Variants in FANCC observed in about 807,000 individuals in gnomAD.
FANCC encodes FA complementation group C.
Under a neutral mutation model 71.3 loss-of-function variants are expected in FANCC, and 55 were observed. The observed-to-expected ratio is 0.77, with a 90% CI of 0.62 to 0.97. FANCC has a LOEUF of 0.97. Among genes scored for constraint, FANCC ranks in the 50% least tolerant of loss-of-function variants. FANCC has a pLI of 0.00. For synonymous variants in FANCC, 275 were observed against 244.9 expected, an observed-to-expected ratio of 1.12 and a Z score of -1.15; for missense variants, 678 against 670.9, an observed-to-expected ratio of 1.01 and a Z score of -0.12.
intron 1 of FANCC, chr9:95,293,162 C>G: frequency 6.2e-7 from 1 of 1,613,074 alleles, no homozygotes; most frequent in South Asian, 1.1e-5. Flanking sequence ...TCTTGTGGCT[C>G]TAACACTGAC....
At chr9:95,182,277 T>C (rs969307877) in intron 4 of FANCC, among the ~76,000 whole-genome samples, 5 of 151,064 alleles carry the variant, frequency 3.3e-5, no homozygotes, top group African/African-American at 1.2e-4. Context: ...TCCCAGTACT[T>C]TGGGAGGCCG....
intron 3 of FANCC, among the ~76,000 whole-genome samples, chr9:95,244,165 C>G (rs766258275): frequency 2.6e-5 from 4 of 152,226 alleles, no homozygotes; most frequent in Non-Finnish European, 4.4e-5. Flanking sequence ...TGAGACCCCA[C>G]GAGTTCAGAT....
At chr9:95,138,704 T>A (rs974989772) in intron 7 of FANCC, among the ~76,000 whole-genome samples, 1 of 152,152 alleles carries the variant, frequency 6.6e-6, no homozygotes, top group African/African-American at 2.4e-5. Flanking sequence ...TTGTCATTCA[T>A]CCTGCCAGGT....
At chr9:95,302,321 G>A (rs1247017586) in intron 1 of FANCC, among the ~76,000 whole-genome samples, 2 of 152,186 alleles carry the variant, frequency 1.3e-5, no homozygotes, top group South Asian at 4.2e-4. Context: ...GTCTGAACCC[G>A]GCGTCACTAT....
chr9:95,132,952 T>C (rs925173624), intron 8 of FANCC, among the ~76,000 whole-genome samples: 16 of 152,244 alleles, frequency 1.1e-4, no homozygotes, highest in African/African-American at 3.6e-4. Flanking sequence ...ACACAAGTTA[T>C]GTAGACCATC....
intron 1 of FANCC, among the ~76,000 whole-genome samples, chr9:95,310,703 G>T (rs1050649261): frequency 6.6e-6 from 1 of 152,176 alleles, no homozygotes; most frequent in Non-Finnish European, 1.5e-5. Context: ...GGTAGTATCA[G>T]TGTTCCCCAG....
chr9:95,176,360 A>G (rs1826008201), intron 4 of FANCC, among the ~76,000 whole-genome samples: 1 of 152,210 alleles, frequency 6.6e-6, no homozygotes, highest in Non-Finnish European at 1.5e-5. Flanking sequence ...AAAGTGAAGC[A>G]GCCTGGCTCA....
intron 1 of FANCC, among the ~76,000 whole-genome samples, chr9:95,265,398 G>A (rs1337508331): frequency 6.6e-6 from 1 of 152,084 alleles, no homozygotes; most frequent in Non-Finnish European, 1.5e-5. Flanking sequence ...CTATTCTCTG[G>A]ACTTGGCTTC....
rs139698441 is a variant in FANCC at position 95,282,145 on chromosome 9, C to T, written c.-78-32776G>A. Among the ~76,000 whole-genome samples, 20 of 151,942 alleles carry T rather than the reference C, an allele frequency of 1.3e-4. No individual in the cohort carries two copies. In the East Asian group the frequency reaches 3.9e-3, roughly 29 times the overall value. On this transcript the variant is annotated intron_variant, in intron 1 of 14. Coordinates refer to ENST00000289081, the MANE Select transcript of FANCC (RefSeq NM_000136.3). ...TAAAAAAAAAGAAAACAAGACCCAACTATATACTGCCTACAAAAGACTTGC... is the reference window on the plus strand; with the variant it reads ...TAAAAAAAAAGAAAACAAGACCCAATTATATACTGCCTACAAAAGACTTGC...
At chr9:95,277,506 A>C (rs1411659102) in intron 1 of FANCC, among the ~76,000 whole-genome samples, 2 of 152,226 alleles carry the variant, frequency 1.3e-5, no homozygotes, top group Non-Finnish European at 2.9e-5. Context: ...CCAATTAAAA[A>C]TAAAATAATT....
chr9:95,289,553 T>C (rs933299571), intron 1 of FANCC, among the ~76,000 whole-genome samples: 52 of 152,264 alleles, frequency 3.4e-4, no homozygotes, highest in African/African-American at 1.2e-3. Flanking sequence ...ATGATTCTTC[T>C]CCACAAAATT....
Position 95,118,570 on chromosome 9 carries a change from C to T in FANCC, c.997-1180G>A, listed in dbSNP as rs4647521. Reference sequence around the variant, plus strand: ...AAGTCCCCTTCCAATTCTTAACAATCATTCCCTCCACCCCACCCTGGCAAC... The same window carrying T: ...AAGTCCCCTTCCAATTCTTAACAATTATTCCCTCCACCCCACCCTGGCAAC... On this transcript the variant is annotated intron_variant, in intron 10 of 14. Transcript: ENST00000289081. Among the ~76,000 whole-genome samples, 505 of 152,352 alleles carry T rather than the reference C, an allele frequency of 3.3e-3. 9 individuals carry two copies. In the East Asian group the frequency reaches 0.043, roughly 13 times the overall value.
chr9:95,212,836 T>G (rs1828591269), intron 4 of FANCC, among the ~76,000 whole-genome samples: 2 of 152,222 alleles, frequency 1.3e-5, no homozygotes. Context: ...GGCTGTAGAC[T>G]GTGATGAGGT....
At chr9:95,181,341 T>C (rs141230187) in intron 4 of FANCC, among the ~76,000 whole-genome samples, 45 of 152,290 alleles carry the variant, frequency 3.0e-4, no homozygotes, top group Middle Eastern at 6.9e-3. Context: ...TACGTAGTTT[T>C]CAAACAGACA....
intron 1 of FANCC, among the ~76,000 whole-genome samples, chr9:95,257,608 A>G (rs536279819): frequency 6.6e-6 from 1 of 152,334 alleles, no homozygotes; most frequent in East Asian, 1.9e-4. Context: ...TCCTAACATC[A>G]CAATTAAAAG....
Position 95,161,326 on chromosome 9 carries a change from T to C in FANCC, c.521+9753A>G, listed in dbSNP as rs116274459. Among the ~76,000 whole-genome samples the C allele has an allele frequency of 4.4e-3, 671 of 152,278 alleles. 7 individuals carry two copies. The highest frequency in any genetic ancestry group is 0.015 in the African/African-American group (628 of 41,544). ...AGCCAGCCCGAAATGGCTATCAACC[T>C]CCAGGAAATATGGGAGTCCTCTAAG... On this transcript the variant is annotated intron_variant, in intron 6 of 14. Transcript: ENST00000289081.
At chr9:95,260,686 T>A (rs7021497) in intron 1 of FANCC, among the ~76,000 whole-genome samples, 65,965 of 129,188 alleles carry the variant, frequency 0.51, 15,170 homozygotes, top group East Asian at 0.63. Flanking sequence ...ACTTAAAATA[T>A]AAAAAAAAAA....
chr9:95,145,911 G>A (rs1001920460), intron 7 of FANCC, among the ~76,000 whole-genome samples: 8 of 151,980 alleles, frequency 5.3e-5, no homozygotes, highest in African/African-American at 1.9e-4. Flanking sequence ...GGGATTGAAA[G>A]AGACTTAAAA....
At chr9:95,126,203 T>C (rs1825953060) in intron 9 of FANCC, among the ~76,000 whole-genome samples, 1 of 152,218 alleles carries the variant, frequency 6.6e-6, no homozygotes. Flanking sequence ...AGGGAGTATA[T>C]TGCTACCCTT....
Sources: gnomAD v4.1 joint callset for allele counts (sites outside exome capture counted in the v4.1 genomes callset) on GRCh38, gnomAD v4.1.1 for gene constraint, MANE v1.5 for transcripts, NCBI Gene and HGNC (gene_info 2026-07-23, HGNC 2026-07-21) for gene names.